PARD3: variants seen among roughly 807,000 people sequenced by gnomAD.
The protein encoded by PARD3 is partitioning defective 3 homolog.
PARD3 carries 75 observed loss-of-function variants against 155.4 expected under a neutral mutation model. The observed-to-expected ratio is 0.48, with a 90% CI of 0.40 to 0.58. PARD3 has a LOEUF of 0.58. Among genes scored for constraint, PARD3 ranks in the 20% least tolerant of loss-of-function variants. The pLI is 0.00. For synonymous variants in PARD3, 576 were observed against 610.5 expected, an observed-to-expected ratio of 0.94 and a Z score of 0.83; for missense variants, 1,642 against 1,721.7, an observed-to-expected ratio of 0.95 and a Z score of 0.82.
At chr10:34,249,637 G>C (rs1329526549) in intron 22 of PARD3, among the ~76,000 whole-genome samples, 1 of 152,146 alleles carries the variant, frequency 6.6e-6, no homozygotes, top group Non-Finnish European at 1.5e-5. Context: ...CAGGTGCCTG[G>C]AATTTTGGCT....
chr10:34,439,464 T>C (rs918660850), intron 5 of PARD3, among the ~76,000 whole-genome samples: 1 of 152,162 alleles, frequency 6.6e-6, no homozygotes, highest in African/African-American at 2.4e-5. Context: ...TTTTTAATTT[T>C]TTTTTCTTTT....
intron 2 of PARD3, among the ~76,000 whole-genome samples, chr10:34,578,243 AG>A (rs2134224542): frequency 6.6e-6 from 1 of 152,140 alleles, no homozygotes; most frequent in South Asian, 2.1e-4. Flanking sequence ...AATTTTTTTA[AG>A]TTTTTTACCT....
intron 2 of PARD3, among the ~76,000 whole-genome samples, chr10:34,645,645 A>T (rs1168921287): frequency 6.6e-6 from 1 of 152,248 alleles, no homozygotes; most frequent in East Asian, 1.9e-4. Flanking sequence ...TAAAGAAAAC[A>T]GCATGAAATA....
intron 19 of PARD3, among the ~76,000 whole-genome samples, chr10:34,324,307 T>C (rs1490862532): frequency 6.6e-6 from 1 of 152,174 alleles, no homozygotes; most frequent in Non-Finnish European, 1.5e-5. Context: ...CCGCAAAAAT[T>C]TCCTGATGTT....
chr10:34,429,348 A>T (rs2075780919), intron 5 of PARD3, among the ~76,000 whole-genome samples: 1 of 152,094 alleles, frequency 6.6e-6, no homozygotes. Flanking sequence ...AGCAAAACTT[A>T]ACCTAGATGA....
chr10:34,216,431 G>A (rs1471793295), intron 22 of PARD3, among the ~76,000 whole-genome samples: 1 of 152,140 alleles, frequency 6.6e-6, no homozygotes, highest in Non-Finnish European at 1.5e-5. Context: ...TTATCTCCTA[G>A]TGCCACTGCC....
chr10:34,722,070 T>C (rs1474327283), intron 1 of PARD3, among the ~76,000 whole-genome samples: 1 of 152,132 alleles, frequency 6.6e-6, no homozygotes, highest in Non-Finnish European at 1.5e-5. Flanking sequence ...CACGTGCCTG[T>C]AGTCCCAGCT....
chr10:34,640,679 A>C (rs1278521663), intron 2 of PARD3, among the ~76,000 whole-genome samples: 1 of 128,326 alleles, frequency 7.8e-6, no homozygotes, highest in Non-Finnish European at 1.6e-5. Flanking sequence ...ACTGTACTCC[A>C]GCTTGGACAA....
At chr10:34,143,108 T>G (rs914946549) in intron 22 of PARD3, among the ~76,000 whole-genome samples, 3 of 151,978 alleles carry the variant, frequency 2.0e-5, no homozygotes, top group Admixed American at 2.0e-4. Context: ...GATCACGAGG[T>G]CAAGAGATCA....
chr10:34,173,936 A>T (rs964496688), intron 22 of PARD3, among the ~76,000 whole-genome samples: 4 of 152,162 alleles, frequency 2.6e-5, no homozygotes, highest in Non-Finnish European at 4.4e-5. Context: ...GCTACAGCCA[A>T]ATCCCAAGGC....
chr10:34,626,258 T>C lies in PARD3; in HGVS notation c.222+70060A>G, dbSNP rs2091976710. Among the ~76,000 whole-genome samples the C allele has an allele frequency of 2.0e-5, 3 of 152,220 alleles. No homozygotes were observed. In the South Asian group the frequency reaches 6.2e-4, roughly 32 times the overall value. ...GACTCACACCTCCATTTAATGCTCA[T>C]TCTCTCACGCGTTCATGGAGTGGAA... On this transcript the variant is annotated intron_variant, in intron 2 of 24. Coordinates refer to ENST00000374788, the MANE Select transcript of PARD3 (RefSeq NM_001184785.2).
chr10:34,317,990 C>T (rs1358439121), intron 19 of PARD3, among the ~76,000 whole-genome samples: 1 of 152,164 alleles, frequency 6.6e-6, no homozygotes, highest in Non-Finnish European at 1.5e-5. Flanking sequence ...ATCTTGCATG[C>T]CTATCTGCAT....
intron 2 of PARD3, among the ~76,000 whole-genome samples, chr10:34,603,028 T>A (rs2089925494): frequency 6.6e-6 from 1 of 152,220 alleles, no homozygotes; most frequent in Non-Finnish European, 1.5e-5. Context: ...AATGTAATTA[T>A]GTTCTATCCT....
At chr10:34,452,948 C>T (rs1183788296) in intron 4 of PARD3, among the ~76,000 whole-genome samples, 3 of 152,168 alleles carry the variant, frequency 2.0e-5, no homozygotes, top group Non-Finnish European at 2.9e-5. Context: ...CGGCCATAAA[C>T]CTAGTTCAGG....
chr10:34,566,988 T>C (rs1386827000), intron 2 of PARD3, among the ~76,000 whole-genome samples: 1 of 152,200 alleles, frequency 6.6e-6, no homozygotes, highest in African/African-American at 2.4e-5. Context: ...TAAGATAACA[T>C]TTAACTTCTT....
chr10:34,733,297 T>G lies in PARD3; in HGVS notation c.121-36878A>C, dbSNP rs370653754. Among the ~76,000 whole-genome samples, 3 of 152,318 alleles carry G rather than the reference T, an allele frequency of 2.0e-5. No homozygotes were observed. In the East Asian group the frequency reaches 5.8e-4, roughly 29 times the overall value. ...AGAATTTTCCCAGTATCATTGACAG[T>G]GACTATTAGAATGTGTTGAAAGTCC... On this transcript the variant is annotated intron_variant, in intron 1 of 24. Transcript: ENST00000374788.
chr10:34,404,940 T>G (rs554167057), intron 5 of PARD3, among the ~76,000 whole-genome samples: 27 of 151,882 alleles, frequency 1.8e-4, no homozygotes, highest in Non-Finnish European at 3.4e-4. Context: ...GGTGAGATAG[T>G]GCGTGCCTGT....
chr10:34,787,233 G>A (rs1305915014), intron 1 of PARD3, among the ~76,000 whole-genome samples: 1 of 152,142 alleles, frequency 6.6e-6, no homozygotes, highest in African/African-American at 2.4e-5. Flanking sequence ...ACAGAAATTA[G>A]CTGGGTGTGG....
chr10:34,348,760 G>C (rs569644452), intron 14 of PARD3, among the ~76,000 whole-genome samples: 1 of 152,088 alleles, frequency 6.6e-6, no homozygotes, highest in African/African-American at 2.4e-5. Context: ...GTAGTGTACA[G>C]AACAATATGA....
Sources: allele counts gnomAD v4.1 joint callset (sites outside exome capture counted in the v4.1 genomes callset), GRCh38; gene constraint gnomAD v4.1.1; transcripts MANE v1.5; gene names NCBI Gene and HGNC (gene_info 2026-07-23, HGNC 2026-07-21).